EPHB1: variants seen among roughly 807,000 people sequenced by gnomAD.
EPHB1 encodes the protein ephrin type-B receptor 1.
In EPHB1, 30 loss-of-function variants were observed where a neutral mutation model predicts 94.4. The observed-to-expected ratio is 0.32, with a 90% CI of 0.24 to 0.43. The LOEUF is 0.43. Ranked by LOEUF, EPHB1 falls within the 20% of genes least tolerant of loss-of-function variation. The pLI is 1.00. For missense variants in EPHB1, 1,055 were observed against 1,308.3 expected (o/e 0.81, Z 2.99); for synonymous variants, 522 against 489.1 (o/e 1.07, Z -0.89).
intron 3 of EPHB1, among the ~76,000 whole-genome samples, chr3:135,076,597 T>C (rs1937930720): frequency 6.6e-6 from 1 of 152,190 alleles, no homozygotes; most frequent in Non-Finnish European, 1.5e-5. Context: ...CTCAGATTTT[T>C]ACTCAAGAGA....
At chr3:135,178,224 A>AGGC (rs1553744897) in intron 9 of EPHB1, among the ~76,000 whole-genome samples, 4 of 139,422 alleles carry the variant, frequency 2.9e-5, no homozygotes, top group Admixed American at 2.8e-4. Flanking sequence ...GAGGCCGGGG[A>AGGC]GGGGGGGTGG....
At chr3:135,196,372 G>A (rs1000921023) in intron 11 of EPHB1, among the ~76,000 whole-genome samples, 1 of 152,088 alleles carries the variant, frequency 6.6e-6, no homozygotes, top group African/African-American at 2.4e-5. Context: ...GAGCTTGCAG[G>A]GGAAGAAAAC....
At chr3:135,073,318 C>T (rs1306189245) in intron 3 of EPHB1, among the ~76,000 whole-genome samples, 1 of 152,110 alleles carries the variant, frequency 6.6e-6, no homozygotes, top group Non-Finnish European at 1.5e-5. Flanking sequence ...CACCTGTCAC[C>T]TAGTAAGAGT....
intron 3 of EPHB1, among the ~76,000 whole-genome samples, chr3:135,003,803 A>G (rs13098206): frequency 6.2e-5 from 8 of 129,026 alleles, no homozygotes; most frequent in Admixed American, 1.6e-4. Context: ...TTTGTTTTCC[A>G]TTTGCTTGGT....
chr3:134,931,716 T>A (rs1283424588), intron 2 of EPHB1, among the ~76,000 whole-genome samples: 1 of 152,204 alleles, frequency 6.6e-6, no homozygotes, highest in Non-Finnish European at 1.5e-5. Flanking sequence ...TGTATGTATG[T>A]GTGCATATAT....
intron 1 of EPHB1, among the ~76,000 whole-genome samples, chr3:134,829,955 C>A (rs1364774012): frequency 6.6e-6 from 1 of 152,190 alleles, no homozygotes; most frequent in Non-Finnish European, 1.5e-5. Context: ...TTCTGCCTCA[C>A]AGCCCTCAGA....
At chr3:134,995,356 T>C (rs904256452) in intron 3 of EPHB1, among the ~76,000 whole-genome samples, 2 of 152,212 alleles carry the variant, frequency 1.3e-5, no homozygotes, top group Admixed American at 1.3e-4. Flanking sequence ...TAGCATTCTA[T>C]GGTATGGATG....
At chr3:135,184,884 C>T (rs1942290574) in intron 10 of EPHB1, among the ~76,000 whole-genome samples, 1 of 152,216 alleles carries the variant, frequency 6.6e-6, no homozygotes, top group Admixed American at 6.5e-5. Flanking sequence ...AACTCCAATG[C>T]ATTGGTTAAT....
chr3:134,871,772 A>C (rs2037504365), intron 1 of EPHB1, among the ~76,000 whole-genome samples: 1 of 152,062 alleles, frequency 6.6e-6, no homozygotes, highest in African/African-American at 2.4e-5. Context: ...GATTTCCAAG[A>C]GTCTCCTCCG....
At chr3:134,972,439 A>G (rs1421948908) in intron 3 of EPHB1, among the ~76,000 whole-genome samples, 1 of 145,602 alleles carries the variant, frequency 6.9e-6, no homozygotes, top group Admixed American at 6.9e-5. Context: ...GAGGTAATAT[A>G]TATTATATGT....
chr3:134,970,699 G>A (rs746556799), intron 3 of EPHB1, among the ~76,000 whole-genome samples: 1 of 152,160 alleles, frequency 6.6e-6, no homozygotes, highest in African/African-American at 2.4e-5. Context: ...AGGCCACACG[G>A]CTGCAGAGGT....
intron 2 of EPHB1, 144 bp downstream of exon 2, chr3:134,926,024 A>G (rs1269540088): frequency 2.1e-5 from 14 of 662,232 alleles, no homozygotes. Context: ...CCATCCATGC[A>G]AAGACAGCAC....
At chr3:135,179,287 A>C (rs1382583352) in intron 9 of EPHB1, among the ~76,000 whole-genome samples, 1 of 152,016 alleles carries the variant, frequency 6.6e-6, no homozygotes, top group Non-Finnish European at 1.5e-5. Flanking sequence ...AGTATTTTCT[A>C]AGCTTTTCTC....
intron 3 of EPHB1, among the ~76,000 whole-genome samples, chr3:135,089,460 A>G (rs1938479569): frequency 6.6e-6 from 1 of 152,244 alleles, no homozygotes; most frequent in Non-Finnish European, 1.5e-5. Flanking sequence ...ATTAATACCA[A>G]CACAACTTTA....
chr3:135,183,818 G>A (rs748951623), intron 10 of EPHB1, among the ~76,000 whole-genome samples: 1 of 152,190 alleles, frequency 6.6e-6, no homozygotes, highest in Non-Finnish European at 1.5e-5. Context: ...CACTAAATCT[G>A]GAGAATCAGG....
chr3:135,180,403 T>C (rs971042513), intron 10 of EPHB1, among the ~76,000 whole-genome samples: 1 of 152,244 alleles, frequency 6.6e-6, no homozygotes, highest in Non-Finnish European at 1.5e-5. Flanking sequence ...CCATTTCCTA[T>C]GTACATGAAT....
chr3:135,033,592 A>G (rs1218638091), intron 3 of EPHB1, among the ~76,000 whole-genome samples: 2 of 152,232 alleles, frequency 1.3e-5, no homozygotes, highest in Non-Finnish European at 2.9e-5. Context: ...GTGCACAGGC[A>G]TAGCACTGGG....
intron 3 of EPHB1, among the ~76,000 whole-genome samples, chr3:134,963,520 A>G (rs925218857): frequency 6.6e-6 from 1 of 152,170 alleles, no homozygotes; most frequent in South Asian, 2.1e-4. Context: ...TGTGGCTGTC[A>G]TTTATAAAGC....
At chr3:135,012,443 G>A (rs74518896) in intron 3 of EPHB1, among the ~76,000 whole-genome samples, 2,292 of 152,286 alleles carry the variant, frequency 0.015, 52 homozygotes, top group African/African-American at 0.05. Flanking sequence ...AACATCCTCC[G>A]TCAGTTGCCT....
Sources: gnomAD v4.1 joint callset for allele counts (sites outside exome capture counted in the v4.1 genomes callset) on GRCh38, gnomAD v4.1.1 for gene constraint, MANE v1.5 for transcripts, NCBI Gene and HGNC (gene_info 2026-07-23, HGNC 2026-07-21) for gene names.